Variants in DYRK1A observed in about 807,000 individuals in gnomAD.
DYRK1A encodes dual specificity tyrosine-phosphorylation-regulated kinase 1A.
Under a neutral mutation model 79.7 loss-of-function variants are expected in DYRK1A, and 9 were observed. The ratio of observed to expected loss-of-function variants is 0.11; its 90% CI spans 0.07 to 0.20. The LOEUF (loss-of-function observed/expected upper bound fraction) is 0.20. DYRK1A is among the 10% of genes least tolerant of loss of function. The pLI is 1.00. For synonymous variants in DYRK1A, 349 were observed against 329.7 expected (o/e 1.06, Z -0.63); for missense variants, 622 against 956.0 (o/e 0.65, Z 4.61).
intron 6 of DYRK1A, chr21:37,488,325 CAATTG>C (rs1192913992): frequency 1.0e-6 from 1 of 965,598 alleles, no homozygotes; most frequent in Non-Finnish European, 1.2e-6. Context: ...AAGTTCATAT[CAATTG>C]AATTGATACC....
intron 1 of DYRK1A, chr21:37,419,406 TGAA>T (rs1241951960): frequency 1.3e-5 from 2 of 152,210 alleles, no homozygotes; most frequent in Non-Finnish European, 2.9e-5. Context: ...GATGTAGAAT[TGAA>T]GAAGTTTTGG....
At chr21:37,457,934 C>T (rs1042478624) in intron 2 of DYRK1A, among the ~76,000 whole-genome samples, 1 of 152,172 alleles carries the variant, frequency 6.6e-6, no homozygotes, top group Non-Finnish European at 1.5e-5. Flanking sequence ...ACATTATGTG[C>T]CTGAAACTTA....
intron 1 of DYRK1A, among the ~76,000 whole-genome samples, chr21:37,392,108 G>A (rs991139972): frequency 6.6e-6 from 1 of 152,082 alleles, no homozygotes; most frequent in African/African-American, 2.4e-5. Flanking sequence ...ACAAATGTTT[G>A]TGTGCCTGTA....
chr21:37,377,029 G>T (rs1024073992), intron 1 of DYRK1A, among the ~76,000 whole-genome samples: 1 of 152,188 alleles, frequency 6.6e-6, no homozygotes, highest in Non-Finnish European at 1.5e-5. Context: ...AGGTGTGTGT[G>T]TGTGTATGTA....
chr21:37,414,803 G>C (rs2050306616), intron 1 of DYRK1A, among the ~76,000 whole-genome samples: 1 of 152,162 alleles, frequency 6.6e-6, no homozygotes, highest in African/African-American at 2.4e-5. Flanking sequence ...ATTCACAAGA[G>C]AATAGATAAA....
At chr21:37,427,259 GT>G (rs1470161536) in intron 2 of DYRK1A, among the ~76,000 whole-genome samples, 2 of 152,166 alleles carry the variant, frequency 1.3e-5, no homozygotes. Context: ...CTGCAGGCAC[GT>G]GCTGCCACAC....
At chr21:37,375,680 A>G (rs1265504377) in intron 1 of DYRK1A, among the ~76,000 whole-genome samples, 1 of 151,762 alleles carries the variant, frequency 6.6e-6, no homozygotes, top group African/African-American at 2.4e-5. Context: ...TGCCTGTCAC[A>G]TACCCGACTA....
At chr21:37,462,034 G>C (rs1333610959) in intron 2 of DYRK1A, among the ~76,000 whole-genome samples, 1 of 151,404 alleles carries the variant, frequency 6.6e-6, no homozygotes, top group Non-Finnish European at 1.5e-5. Flanking sequence ...GTTCCTTTTC[G>C]TAGATTCTAT....
rs369301657 is a variant in DYRK1A, at chr21:37,468,253, A to G, written c.11-4431A>G. On this transcript the variant is annotated intron_variant, in intron 2 of 11. Transcript: ENST00000647188. Reference sequence around the variant, plus strand: ...GAGCCTCCTGAGTAATTGGAACTACAGGTGTGCGTCACCATGCCTGGCTTT... The same window carrying G: ...GAGCCTCCTGAGTAATTGGAACTACGGGTGTGCGTCACCATGCCTGGCTTT... Among the ~76,000 whole-genome samples the G allele has an allele frequency of 1.3e-4, 20 of 151,366 alleles. No individual in the cohort carries two copies. In the East Asian group the frequency reaches 3.1e-3, roughly 24 times the overall value.
chr21:37,411,481 A>G (rs1016699986), intron 1 of DYRK1A, among the ~76,000 whole-genome samples: 3 of 152,038 alleles, frequency 2.0e-5, no homozygotes, highest in Non-Finnish European at 4.4e-5. Context: ...TAGCATGCTC[A>G]TGTATAATTG....
intron 2 of DYRK1A, chr21:37,464,385 A>T (rs964211918): frequency 3.7e-5 from 15 of 402,998 alleles, no homozygotes; most frequent in Middle Eastern, 4.6e-4. Flanking sequence ...AAAATATTGA[A>T]TTTTTCCCAA....
intron 7 of DYRK1A, among the ~76,000 whole-genome samples, chr21:37,492,807 G>A (rs534016442): frequency 3.9e-5 from 6 of 151,970 alleles, no homozygotes; most frequent in South Asian, 2.1e-4. Flanking sequence ...GAATCTTTAC[G>A]TATTATGCAT....
At chr21:37,374,379 A>G (rs2049494813) in intron 1 of DYRK1A, among the ~76,000 whole-genome samples, 3 of 150,572 alleles carry the variant, frequency 2.0e-5, no homozygotes, top group African/African-American at 7.4e-5. Context: ...TGGATTTGAA[A>G]AAAGAGAAAT....
At chr21:37,503,265 A>G (rs955202635) in intron 9 of DYRK1A, 1 of 152,142 alleles carries the variant, frequency 6.6e-6, no homozygotes, top group Non-Finnish European at 1.5e-5. Context: ...ACAGTGCTGA[A>G]TATTATCCCA....
chr21:37,445,093 A>G (rs2051225274), intron 2 of DYRK1A, among the ~76,000 whole-genome samples: 1 of 152,184 alleles, frequency 6.6e-6, no homozygotes. Flanking sequence ...ATGGCGGCAG[A>G]ATCTGTGCTC....
chr21:37,449,138 A>G (rs2051364200), intron 2 of DYRK1A, among the ~76,000 whole-genome samples: 1 of 152,206 alleles, frequency 6.6e-6, no homozygotes, highest in Non-Finnish European at 1.5e-5. Context: ...TTTTGTTTGT[A>G]TTAGTTCAAG....
chr21:37,476,724 T>A (rs566543247), intron 3 of DYRK1A, among the ~76,000 whole-genome samples: 4 of 151,236 alleles, frequency 2.6e-5, no homozygotes, highest in Non-Finnish European at 4.4e-5. Context: ...AGCTACTGTT[T>A]AGAAAAGTAA....
At chr21:37,395,197 C>T (rs1186784472) in intron 1 of DYRK1A, among the ~76,000 whole-genome samples, 1 of 152,174 alleles carries the variant, frequency 6.6e-6, no homozygotes, top group Admixed American at 6.5e-5. Flanking sequence ...ACATTGGAGT[C>T]CGTCCGAAAG....
chr21:37,386,300 A>G (rs1015876272), intron 1 of DYRK1A, among the ~76,000 whole-genome samples: 1 of 151,910 alleles, frequency 6.6e-6, no homozygotes, highest in African/African-American at 2.4e-5. Flanking sequence ...CCATCTCTCC[A>G]CCCCCAACCC....
Sources: allele counts gnomAD v4.1 joint callset (sites outside exome capture counted in the v4.1 genomes callset), GRCh38; gene constraint gnomAD v4.1.1; transcripts MANE v1.5; gene names NCBI Gene and HGNC (gene_info 2026-07-23, HGNC 2026-07-21).